The following HERC4 variants were observed in gnomAD, a reference collection of about 807,000 sequenced individuals.
HERC4 encodes HECT and RLD domain containing E3 ubiquitin protein ligase 4, also known as probable E3 ubiquitin-protein ligase HERC4.
HERC4 carries 28 observed loss-of-function variants against 124.3 expected under a neutral mutation model. That is an observed-to-expected ratio of 0.23 (90% confidence interval 0.17 to 0.31). The LOEUF (loss-of-function observed/expected upper bound fraction) is 0.31. HERC4 is among the 10% of genes least tolerant of loss of function. HERC4 has a pLI of 1.00. For synonymous variants in HERC4, 407 were observed against 421.5 expected (o/e 0.97, Z 0.42); for missense variants, 713 against 1,229.3 (o/e 0.58, Z 6.28).
chr10:67,952,629 T>C (rs564071400), intron 19 of HERC4, among the ~76,000 whole-genome samples: 3 of 149,958 alleles, frequency 2.0e-5, no homozygotes, highest in Admixed American at 6.7e-5. Context: ...CCGGGCGCGG[T>C]GGCTCACACC....
At chr10:67,936,105 G>A in intron 22 of HERC4, 48 bp downstream of exon 22, 1 of 1,212,658 alleles carries the variant, frequency 8.2e-7, no homozygotes, top group Non-Finnish European at 1.2e-6. Flanking sequence ...AGAAGAAAAT[G>A]TCTACTGAAT....
At chr10:68,021,234 C>G (rs1330095405) in intron 8 of HERC4, among the ~76,000 whole-genome samples, 3 of 152,178 alleles carry the variant, frequency 2.0e-5, no homozygotes, top group Admixed American at 6.5e-5. Context: ...TACTTAAGAA[C>G]TGAATTCAGC....
intron 7 of HERC4, among the ~76,000 whole-genome samples, chr10:68,028,383 T>G (rs1362945820): frequency 2.0e-5 from 3 of 152,338 alleles, no homozygotes; most frequent in Admixed American, 1.3e-4. Flanking sequence ...TTTTCCATTT[T>G]TTGCAGTCAT....
chr10:67,926,289 G>T (rs1025731603), intron 23 of HERC4, among the ~76,000 whole-genome samples: 1 of 151,922 alleles, frequency 6.6e-6, no homozygotes, highest in Non-Finnish European at 1.5e-5. Context: ...CGGCTACTTG[G>T]GGGAGGCTAA....
intron 4 of HERC4, among the ~76,000 whole-genome samples, chr10:68,043,423 G>C (rs931258638): frequency 6.6e-6 from 1 of 152,144 alleles, no homozygotes; most frequent in Non-Finnish European, 1.5e-5. Context: ...TTAAAACTAA[G>C]TATGAGTTAA....
At position 68,038,167 on chromosome 10, in the gene HERC4, T is replaced by C; in HGVS notation, c.389A>G (p.Asn130Ser). The C allele has an allele frequency of 6.7e-7, 1 of 1,498,652 alleles. No homozygotes were observed. Among genetic ancestry groups the C allele is most frequent in the Non-Finnish European group, 9.0e-7 (1 of 1,114,902 alleles). The allele number at this position is 1,498,652 out of a possible 1,614,324, so 92.8% of individuals were successfully genotyped here. ...CTGGATATCTGACAAACTTTTAATATTTCTAGAAAAGAAGAAGACAGATCA... is the reference window on the plus strand; with the variant it reads ...CTGGATATCTGACAAACTTTTAATACTTCTAGAAAAGAAGAAGACAGATCA... ...GSEECIRVPR[N>S]IKSLSDIQIV... Residue 130 changes from asparagine to serine, a missense_variant and splice_region_variant, in exon 5 of 25, where the codon AAT (asparagine) becomes AGT (serine). Transcript: ENST00000373700.
chr10:67,969,673 G>T (rs542643448), intron 15 of HERC4, among the ~76,000 whole-genome samples: 8 of 152,226 alleles, frequency 5.3e-5, no homozygotes, highest in African/African-American at 1.7e-4. Flanking sequence ...TTCCTGGGAG[G>T]AAAGGTGACA....
chr10:68,011,022 T>C (rs543589800), intron 9 of HERC4, among the ~76,000 whole-genome samples: 47 of 152,292 alleles, frequency 3.1e-4, no homozygotes, highest in African/African-American at 1.0e-3. Flanking sequence ...TCCATGAAGG[T>C]TGGAATAAAA....
At chr10:68,023,388 A>T (rs1183569199) in intron 8 of HERC4, among the ~76,000 whole-genome samples, 1 of 152,202 alleles carries the variant, frequency 6.6e-6, no homozygotes, top group Non-Finnish European at 1.5e-5. Flanking sequence ...TGACATATAT[A>T]GAAGGAAATT....
In HERC4 at chr10:67,988,753, T is replaced by C. The variant is rs745967370; in HGVS notation, c.1716A>G (p.Lys572=). The C allele has an allele frequency of 1.2e-6, 2 of 1,607,272 alleles. No homozygotes were observed. Among genetic ancestry groups the C allele is most frequent in the Non-Finnish European group, 1.7e-6 (2 of 1,175,988 alleles). ...AAGGGGGAATACCGATCTTGTAGAG[T>C]TTCAAAAGATGTACCACAACTTCCT... ...LFKEVVVHLL[K]LYKIGIPPSE... The change falls in exon 15 of 25, where the codon AAA becomes AAG. Residue 572 remains lysine, a synonymous_variant. Coordinates refer to ENST00000373700, the MANE Select transcript of HERC4 (RefSeq NM_015601.4).
intron 8 of HERC4, among the ~76,000 whole-genome samples, chr10:68,022,944 T>C (rs2038715578): frequency 6.6e-6 from 1 of 151,774 alleles, no homozygotes; most frequent in Admixed American, 6.6e-5. Flanking sequence ...TCACTAATCA[T>C]TGGGAAAATG....
Position 68,013,989 on chromosome 10 carries a change from A to T in HERC4, c.1069+37T>A, listed in dbSNP as rs771974088. 7 of 1,480,456 alleles carry T rather than the reference A, an allele frequency of 4.7e-6. No homozygotes were observed. In the East Asian group the frequency reaches 1.6e-4, roughly 34 times the overall value. The allele number at this position is 1,480,456 out of a possible 1,614,324, so 91.7% of individuals were successfully genotyped here. ...AGAGCAACATTTTAACAAGAACTTC[A>T]ATATATGAAGGAAAGCTTTAATATG... On this transcript the variant is annotated intron_variant, in intron 9 of 24. Coordinates refer to ENST00000373700, the MANE Select transcript of HERC4 (RefSeq NM_015601.4).
intron 22 of HERC4, 73 bp from the exon 23 acceptor site, chr10:67,932,853 ACTT>A (rs2132045303): frequency 2.3e-6 from 3 of 1,290,946 alleles, no homozygotes; most frequent in Middle Eastern, 1.9e-4. Flanking sequence ...AGTCATTAAA[ACTT>A]CAAGTGCTCC....
chr10:68,050,169 G>A (rs2040225908), intron 3 of HERC4, among the ~76,000 whole-genome samples: 1 of 152,144 alleles, frequency 6.6e-6, no homozygotes, highest in Non-Finnish European at 1.5e-5. Flanking sequence ...TCCAGCCTGG[G>A]CAACCAAAGT....
At chr10:68,051,807 G>A (rs1405682103) in intron 3 of HERC4, among the ~76,000 whole-genome samples, 6 of 150,846 alleles carry the variant, frequency 4.0e-5, no homozygotes, top group Non-Finnish European at 5.9e-5. Context: ...TCCCACCTCA[G>A]GCTCCTGAGT....
chr10:67,945,279 C>T (rs573277609), intron 19 of HERC4, among the ~76,000 whole-genome samples: 2 of 152,198 alleles, frequency 1.3e-5, no homozygotes, highest in Admixed American at 1.3e-4. Flanking sequence ...ACCTTACAGG[C>T]CAGGAGAATG....
chr10:68,072,315 C>T (rs1412793608), intron 3 of HERC4, among the ~76,000 whole-genome samples: 1 of 152,158 alleles, frequency 6.6e-6, no homozygotes, highest in South Asian at 2.1e-4. Context: ...AATCAGGACA[C>T]TTCATAGTCA....
At chr10:67,953,221 T>G (rs1437119607) in intron 19 of HERC4, among the ~76,000 whole-genome samples, 1 of 152,192 alleles carries the variant, frequency 6.6e-6, no homozygotes, top group Non-Finnish European at 1.5e-5. Flanking sequence ...TAAATTGAAT[T>G]TGAACAAGCA....
chr10:67,997,096 T>G (rs568699595), intron 9 of HERC4, among the ~76,000 whole-genome samples: 1 of 152,252 alleles, frequency 6.6e-6, no homozygotes, highest in South Asian at 2.1e-4. Flanking sequence ...TTAAAGAGCA[T>G]AACTAAAGAT....
Sources: allele counts gnomAD v4.1 joint callset (sites outside exome capture counted in the v4.1 genomes callset), GRCh38; gene constraint gnomAD v4.1.1; transcripts MANE v1.5; gene names NCBI Gene and HGNC (gene_info 2026-07-23, HGNC 2026-07-21).